The following MED12L variants were observed in gnomAD, a reference collection of about 807,000 sequenced individuals.
MED12L encodes the protein mediator complex subunit 12L.
In MED12L, 60 loss-of-function variants were observed where a neutral mutation model predicts 281.3. The observed-to-expected ratio is 0.21, with a 90% CI of 0.17 to 0.26. The LOEUF (loss-of-function observed/expected upper bound fraction) is 0.26. Ranked by LOEUF, MED12L falls within the 10% of genes least tolerant of loss-of-function variation. MED12L has a pLI of 1.00. For synonymous variants in MED12L, 974 were observed against 987.2 expected (o/e 0.99, Z 0.25); for missense variants, 2,146 against 2,680.9 (o/e 0.80, Z 4.41).
At chr3:151,141,992 C>A (rs957195995) in intron 5 of MED12L, among the ~76,000 whole-genome samples, 10 of 152,192 alleles carry the variant, frequency 6.6e-5, no homozygotes, top group African/African-American at 2.4e-4. Context: ...AATCATGGTT[C>A]CCTACCCTCT....
chr3:151,273,749 T>C (rs1281353850), intron 16 of MED12L, among the ~76,000 whole-genome samples: 1 of 152,184 alleles, frequency 6.6e-6, no homozygotes, highest in East Asian at 1.9e-4. Flanking sequence ...CTACTTGGCA[T>C]TGTACACATA....
chr3:151,374,384 C>G (rs1036352278), intron 27 of MED12L, among the ~76,000 whole-genome samples: 1 of 152,034 alleles, frequency 6.6e-6, no homozygotes, highest in Non-Finnish European at 1.5e-5. Context: ...CCCATCTCTA[C>G]TAAAAATACA....
At chr3:151,145,573 C>A (rs1361117226) in intron 5 of MED12L, among the ~76,000 whole-genome samples, 1 of 152,192 alleles carries the variant, frequency 6.6e-6, no homozygotes, top group African/African-American at 2.4e-5. Context: ...GCCTCAGTGT[C>A]AGTATGCTGG....
intron 16 of MED12L, among the ~76,000 whole-genome samples, chr3:151,293,678 C>CACACACACACACA (rs59746155): frequency 1.5e-5 from 2 of 133,830 alleles, no homozygotes; most frequent in African/African-American, 6.6e-5. Flanking sequence ...CACACACACA[C>CACACACACACACA]CCTCTACCTT....
intron 43 of MED12L, among the ~76,000 whole-genome samples, chr3:151,427,552 A>G (rs1313003259): frequency 6.6e-6 from 1 of 152,238 alleles, no homozygotes. Flanking sequence ...AAATGAACAT[A>G]AAGAAGGCAG....
intron 2 of MED12L, among the ~76,000 whole-genome samples, chr3:151,114,133 T>C (rs2148723455): frequency 6.6e-6 from 1 of 152,364 alleles, no homozygotes; most frequent in South Asian, 2.1e-4. Flanking sequence ...GAAACCTTTC[T>C]GACTTAAAAT....
chr3:151,264,766 C>CGTGTGTGT, intron 16 of MED12L, among the ~76,000 whole-genome samples: 1 of 152,106 alleles, frequency 6.6e-6, no homozygotes. Flanking sequence ...CCACCCAGTG[C>CGTGTGTGT]GTGTGTGTGT....
intron 40 of MED12L, 111 bp from the exon 41 acceptor site, chr3:151,411,167 G>C (rs953797681): frequency 7.2e-6 from 6 of 836,208 alleles, no homozygotes; most frequent in African/African-American, 5.1e-5. Context: ...TTTGAAAACA[G>C]TGAATTTCAG....
rs57918056 is a variant in MED12L at position 151,110,021 on chromosome 3, T to C, written c.100-6317T>C. Among the ~76,000 whole-genome samples the C allele has an allele frequency of 3.9e-3, 598 of 152,290 alleles. 3 individuals carry two copies. Among genetic ancestry groups the C allele is most frequent in the African/African-American group, 0.014 (574 of 41,572 alleles). On this transcript the variant is annotated intron_variant, in intron 2 of 44. Coordinates refer to ENST00000687756, the MANE Select transcript of MED12L (RefSeq NM_001393769.1). ...TATTATAAGAACTGTTGGCTAGATATAGTGAACAAGCTTAAATCTCTGTAA... is the reference window on the plus strand; with the variant it reads ...TATTATAAGAACTGTTGGCTAGATACAGTGAACAAGCTTAAATCTCTGTAA...
intron 42 of MED12L, among the ~76,000 whole-genome samples, chr3:151,414,289 G>A (rs1717302218): frequency 6.6e-6 from 1 of 152,166 alleles, no homozygotes; most frequent in African/African-American, 2.4e-5. Context: ...ACTGTACAGT[G>A]GGCTCTAATC....
Position 151,125,681 on chromosome 3 carries a change from A to G in MED12L, c.397-2144A>G, listed in dbSNP as rs1048903950. Among the ~76,000 whole-genome samples, 22 of 152,148 alleles carry G rather than the reference A, an allele frequency of 1.4e-4. No homozygotes were observed. In the East Asian group the frequency reaches 3.9e-3, roughly 27 times the overall value. On this transcript the variant is annotated intron_variant, in intron 4 of 44. Coordinates refer to ENST00000687756, the MANE Select transcript of MED12L (RefSeq NM_001393769.1). ...CTGTACATTCTAGTGAAAAGCAGCA[A>G]CTCGGGTCTTGAACTGAATATTGAA...
At chr3:151,113,758 T>G (rs1229516159) in intron 2 of MED12L, among the ~76,000 whole-genome samples, 1 of 152,180 alleles carries the variant, frequency 6.6e-6, no homozygotes, top group Non-Finnish European at 1.5e-5. Context: ...CCATGTTCTT[T>G]TCCTTCTGGG....
chr3:151,267,417 G>C (rs1040100363), intron 16 of MED12L, among the ~76,000 whole-genome samples: 2 of 152,084 alleles, frequency 1.3e-5, no homozygotes, highest in African/African-American at 4.8e-5. Flanking sequence ...CAATATCAAG[G>C]TTATATGTTA....
At chr3:151,127,004 C>T (rs1039881563) in intron 4 of MED12L, among the ~76,000 whole-genome samples, 2 of 152,160 alleles carry the variant, frequency 1.3e-5, no homozygotes, top group Non-Finnish European at 2.9e-5. Context: ...CCTGCTGCAT[C>T]GTGGCTAATA....
chr3:151,216,953 T>A (rs1728353728), intron 16 of MED12L, among the ~76,000 whole-genome samples: 1 of 152,088 alleles, frequency 6.6e-6, no homozygotes, highest in African/African-American at 2.4e-5. Context: ...CAGGTCTAAT[T>A]TGGTTTCCCA....
At chr3:151,380,480 C>T (rs1460845858) in intron 32 of MED12L, among the ~76,000 whole-genome samples, 2 of 151,760 alleles carry the variant, frequency 1.3e-5, no homozygotes, top group Non-Finnish European at 2.9e-5. Flanking sequence ...GCCTATGATC[C>T]CAGCTACTCG....
At chr3:151,268,023 C>T (rs188463347) in intron 16 of MED12L, among the ~76,000 whole-genome samples, 8 of 152,104 alleles carry the variant, frequency 5.3e-5, no homozygotes, top group Admixed American at 3.3e-4. Context: ...TAGTCTTATG[C>T]GTTCTTAGTA....
intron 16 of MED12L, among the ~76,000 whole-genome samples, chr3:151,281,839 A>C (rs932982604): frequency 7.2e-5 from 11 of 152,268 alleles, no homozygotes; most frequent in African/African-American, 1.2e-4. Context: ...ATATATAAAC[A>C]TCCCTTGTGT....
intron 25 of MED12L, 118 bp from the exon 26 acceptor site, chr3:151,369,313 TAAAGC>T (rs1755887904): frequency 1.8e-6 from 1 of 561,178 alleles, no homozygotes; most frequent in Non-Finnish European, 3.2e-6. Flanking sequence ...AAGCATCAAT[TAAAGC>T]AAGCTAATGG....
Sources: gnomAD v4.1 joint callset for allele counts (sites outside exome capture counted in the v4.1 genomes callset) on GRCh38, gnomAD v4.1.1 for gene constraint, MANE v1.5 for transcripts, NCBI Gene and HGNC (gene_info 2026-07-23, HGNC 2026-07-21) for gene names.